Variants in BMPR1A observed in about 807,000 individuals in gnomAD.
BMPR1A encodes bone morphogenetic protein receptor type 1A, also known as bone morphogenetic protein receptor type-1A.
Under a neutral mutation model 66.0 loss-of-function variants are expected in BMPR1A, and 7 were observed. That is an observed-to-expected ratio of 0.11 (90% CI 0.06 to 0.20). BMPR1A has a LOEUF of 0.20. BMPR1A is among the 10% of genes least tolerant of loss of function. The pLI, the probability that BMPR1A is intolerant of heterozygous loss-of-function variation, is 1.00. For missense variants in BMPR1A, 408 were observed against 669.1 expected, an observed-to-expected ratio of 0.61 and a Z score of 4.31; for synonymous variants, 200 against 229.7, an observed-to-expected ratio of 0.87 and a Z score of 1.17.
intron 1 of BMPR1A, among the ~76,000 whole-genome samples, chr10:86,787,571 C>T (rs73346199): frequency 0.014 from 2,128 of 152,234 alleles, 53 homozygotes; most frequent in African/African-American, 0.048. Context: ...ATTAAACTGA[C>T]AGAAGTATGT....
At chr10:86,779,009 C>T (rs1028357351) in intron 1 of BMPR1A, among the ~76,000 whole-genome samples, 7 of 150,706 alleles carry the variant, frequency 4.6e-5, no homozygotes, top group Middle Eastern at 3.4e-3. Context: ...TTCAAGTGAT[C>T]CATTCCTCTC....
intron 3 of BMPR1A, among the ~76,000 whole-genome samples, chr10:86,889,282 A>G (rs558527594): frequency 6.6e-6 from 1 of 152,326 alleles, no homozygotes; most frequent in East Asian, 1.9e-4. Flanking sequence ...AGTTTCTGCC[A>G]GCATCGTCTG....
At chr10:86,845,511 C>T (rs2133147661) in intron 2 of BMPR1A, among the ~76,000 whole-genome samples, 1 of 152,316 alleles carries the variant, frequency 6.6e-6, no homozygotes, top group Non-Finnish European at 1.5e-5. Context: ...GCAGTGCCTC[C>T]ACTCCCACTT....
chr10:86,825,469 TTGTTTG>T (rs1202471417), intron 1 of BMPR1A, among the ~76,000 whole-genome samples: 1 of 126,406 alleles, frequency 7.9e-6, no homozygotes, highest in African/African-American at 3.2e-5. Context: ...TTAACTTTTT[TTGTTTG>T]TGTGTGTGTG....
chr10:86,819,088 C>T (rs1842077792), intron 1 of BMPR1A, among the ~76,000 whole-genome samples: 1 of 152,150 alleles, frequency 6.6e-6, no homozygotes, highest in South Asian at 2.1e-4. Flanking sequence ...GTACTCAGCT[C>T]TTACCTCTGT....
At chr10:86,893,681 G>A (rs1047043606) in intron 5 of BMPR1A, among the ~76,000 whole-genome samples, 19 of 151,696 alleles carry the variant, frequency 1.3e-4, no homozygotes, top group African/African-American at 4.1e-4. Flanking sequence ...CCAGCTACTC[G>A]GGAGGCTGAG....
chr10:86,899,054 C>CTTGTTA (rs1843268926), intron 5 of BMPR1A, among the ~76,000 whole-genome samples: 1 of 152,172 alleles, frequency 6.6e-6, no homozygotes, highest in African/African-American at 2.4e-5. Context: ...TCCTTAATTT[C>CTTGTTA]CGCTTACATT....
chr10:86,799,670 T>C (rs1841783759), intron 1 of BMPR1A, among the ~76,000 whole-genome samples: 1 of 151,848 alleles, frequency 6.6e-6, no homozygotes, highest in South Asian at 2.1e-4. Flanking sequence ...TCCCTCCTTA[T>C]CCTCCTGAGT....
At chr10:86,801,075 T>C (rs1235995844) in intron 1 of BMPR1A, among the ~76,000 whole-genome samples, 1 of 152,208 alleles carries the variant, frequency 6.6e-6, no homozygotes, top group African/African-American at 2.4e-5. Flanking sequence ...GGCAGGACAA[T>C]GTGTACTAAA....
rs1843757740 is a variant in BMPR1A, at chr10:86,927,137, A to G, written c.*3418A>G. The G allele has an allele frequency of 5.4e-6, 1 of 186,650 alleles. No individual in the cohort carries two copies. The highest frequency in any genetic ancestry group is 2.3e-5 in the African/African-American group (1 of 42,716). 11.6% of individuals were successfully genotyped at this position (186,650 alleles called of 1,614,324 possible). A position where few individuals can be genotyped will look rare whatever the true frequency, so the allele number is the denominator to read the frequency against. ...TGCCAAATTTTGATTTACTCTAACA[A>G]TCAGTACTTTTCTTCAGATGCTTTG... On this transcript the variant is annotated 3_prime_UTR_variant, in exon 13 of 13. Transcript: ENST00000372037.
At chr10:86,861,404 A>G (rs533592973) in intron 2 of BMPR1A, among the ~76,000 whole-genome samples, 1 of 152,276 alleles carries the variant, frequency 6.6e-6, no homozygotes, top group Admixed American at 6.5e-5. Flanking sequence ...TTAAAAATCT[A>G]TTTTAACACC....
chr10:86,803,639 A>G (rs569003639), intron 1 of BMPR1A, among the ~76,000 whole-genome samples: 37 of 152,250 alleles, frequency 2.4e-4, no homozygotes, highest in African/African-American at 8.9e-4. Context: ...ATATTCTCAT[A>G]TATATTTGGA....
At chr10:86,858,293 G>C (rs1842671951) in intron 2 of BMPR1A, among the ~76,000 whole-genome samples, 1 of 152,082 alleles carries the variant, frequency 6.6e-6, no homozygotes, top group Admixed American at 6.6e-5. Context: ...AGGAACAGTT[G>C]ACATACCTTA....
intron 1 of BMPR1A, among the ~76,000 whole-genome samples, chr10:86,783,839 G>C (rs1450362462): frequency 6.6e-6 from 1 of 152,192 alleles, no homozygotes; most frequent in African/African-American, 2.4e-5. Flanking sequence ...GTGAGCCACT[G>C]TGCTGGCCTT....
chr10:86,840,593 C>T (rs1842413026), intron 2 of BMPR1A, among the ~76,000 whole-genome samples: 1 of 152,074 alleles, frequency 6.6e-6, no homozygotes, highest in Non-Finnish European at 1.5e-5. Flanking sequence ...TCTCTCTCAA[C>T]TTCCTATCTC....
At chr10:86,897,029 C>T (rs1431193757) in intron 5 of BMPR1A, among the ~76,000 whole-genome samples, 2 of 152,192 alleles carry the variant, frequency 1.3e-5, no homozygotes, top group Non-Finnish European at 2.9e-5. Flanking sequence ...CCAGGCCTCG[C>T]GTTCTTCCAC....
chr10:86,757,226 T>C (rs977202575), intron 1 of BMPR1A, among the ~76,000 whole-genome samples: 1 of 151,972 alleles, frequency 6.6e-6, no homozygotes, highest in Non-Finnish European at 1.5e-5. Context: ...AATCCTTAAA[T>C]GGGAAAGGCG....
intron 1 of BMPR1A, among the ~76,000 whole-genome samples, chr10:86,798,410 T>C (rs1259985177): frequency 6.6e-6 from 1 of 152,246 alleles, no homozygotes. Flanking sequence ...TTTATAAATA[T>C]ATAATTTGCT....
intron 9 of BMPR1A, among the ~76,000 whole-genome samples, chr10:86,918,538 C>T (rs1380798983): frequency 6.6e-6 from 1 of 151,978 alleles, no homozygotes; most frequent in Admixed American, 6.6e-5. Context: ...AATTGAGAGC[C>T]TTTTCTACTA....
Sources: allele counts gnomAD v4.1 joint callset (sites outside exome capture counted in the v4.1 genomes callset), GRCh38; gene constraint gnomAD v4.1.1; transcripts MANE v1.5; gene names NCBI Gene and HGNC (gene_info 2026-07-23, HGNC 2026-07-21).